The following GPR161 variants were observed in gnomAD, a reference collection of about 807,000 sequenced individuals.
The protein encoded by GPR161 is G-protein coupled receptor RE2.
GPR161 carries 25 observed loss-of-function variants against 39.2 expected under a neutral mutation model. The observed-to-expected ratio is 0.64, with a 90% confidence interval of 0.47 to 0.89. The LOEUF (loss-of-function observed/expected upper bound fraction) is 0.89. GPR161 is among the 40% of genes least tolerant of loss of function. The pLI is 0.00. For synonymous variants in GPR161, 286 were observed against 276.6 expected, an observed-to-expected ratio of 1.03 and a Z score of -0.34; for missense variants, 547 against 677.8, an observed-to-expected ratio of 0.81 and a Z score of 2.14.
chr1:168,084,743 A>G lies in GPR161; in HGVS notation c.*788T>C. On this transcript the variant is annotated 3_prime_UTR_variant, in exon 6 of 6. Transcript: ENST00000682931. ...GCACTACAGTCCCATTCAGTCCGGTAAAACAGTGGTACGTCTTAAATGGAT... is the reference window on the plus strand; with the variant it reads ...GCACTACAGTCCCATTCAGTCCGGTGAAACAGTGGTACGTCTTAAATGGAT... 2.2e-6 allele frequency: 1 copy of G among 444,702 alleles called. No homozygotes were observed. The highest frequency in any genetic ancestry group is 4.5e-6 in the Non-Finnish European group (1 of 223,118). 27.5% of individuals were successfully genotyped at this position (444,702 alleles called of 1,614,324 possible).
chr1:168,136,379 G>GCACCTACGCCCTCC (rs1699375579), intron 1 of GPR161: 1 of 1,432,930 alleles, frequency 7.0e-7, no homozygotes, highest in African/African-American at 1.5e-5. Context: ...TCCCGGGCAC[G>GCACCTACGCCCTCC]CACCTACGCC....
intron 1 of GPR161, among the ~76,000 whole-genome samples, chr1:168,122,218 T>C (rs1306459003): frequency 6.6e-6 from 1 of 151,972 alleles, no homozygotes; most frequent in Non-Finnish European, 1.5e-5. Flanking sequence ...GTGCAGGCCC[T>C]AGACTACGGA....
In GPR161 at chr1:168,098,295, C is replaced by T. The variant is rs567690585; in HGVS notation, c.375-1063G>A. On this transcript the variant is annotated intron_variant, in intron 2 of 5. Transcript: ENST00000682931. This position sits in a 1 kb window ranked among gnomAD's most constrained non-coding sequence, Gnocchi z 4.1. ...GAGAGAAGGAAGCAGGCCGGGTGGA[C>T]GGGGCCGGGGCATGCAGAGCTAAGG... is the stretch of plus-strand genomic sequence containing the variant. Among the ~76,000 whole-genome samples, 28 of 152,272 alleles carry T rather than the reference C, an allele frequency of 1.8e-4. No individual in the cohort carries two copies. The highest frequency in any genetic ancestry group is 5.3e-4 in the African/African-American group (22 of 41,556).
chr1:168,117,572 T>C (rs1189622099), intron 1 of GPR161, among the ~76,000 whole-genome samples: 1 of 152,144 alleles, frequency 6.6e-6, no homozygotes, highest in Non-Finnish European at 1.5e-5. Flanking sequence ...GGGTTGGTGG[T>C]AGGAGTCAAT....
intron 3 of GPR161, among the ~76,000 whole-genome samples, chr1:168,095,952 T>C (rs796184170): frequency 2.6e-5 from 4 of 151,964 alleles, no homozygotes; most frequent in African/African-American, 9.6e-5. Flanking sequence ...CTAGCCAATA[T>C]GGTGAAACCC....
At chr1:168,101,594 C>T (rs143109585) in intron 2 of GPR161, among the ~76,000 whole-genome samples, 3 of 152,266 alleles carry the variant, frequency 2.0e-5, no homozygotes, top group Non-Finnish European at 4.4e-5. Flanking sequence ...TTCCCAGCCA[C>T]GTGACCTTGG....
intron 1 of GPR161, among the ~76,000 whole-genome samples, chr1:168,124,117 C>T (rs983697538): frequency 1.3e-5 from 2 of 152,212 alleles, no homozygotes; most frequent in African/African-American, 2.4e-5. Context: ...GCCCATCTAT[C>T]TCCTTCTCCC....
intron 1 of GPR161, among the ~76,000 whole-genome samples, chr1:168,123,537 T>TAC (rs10534836): frequency 0.063 from 8,738 of 138,114 alleles, 287 homozygotes; most frequent in Middle Eastern, 0.083. Flanking sequence ...TGCACATACA[T>TAC]ACACACACAC....
upstream of GPR161, chr1:168,137,657 C>T: frequency 8.8e-6 from 5 of 569,900 alleles, no homozygotes; most frequent in South Asian, 1.1e-4. Context: ...TCCTCACTCC[C>T]CACTTTGCCT....
chr1:168,130,952 C>T (rs1204524820), intron 1 of GPR161, among the ~76,000 whole-genome samples: 2 of 152,140 alleles, frequency 1.3e-5, no homozygotes, highest in African/African-American at 4.8e-5. Context: ...GGGTTTAGGC[C>T]CTGACTACAC....
intron 1 of GPR161, chr1:168,134,904 A>T: frequency 6.5e-7 from 1 of 1,535,220 alleles, no homozygotes; most frequent in Non-Finnish European, 8.7e-7. Context: ...ACAGAACTGT[A>T]CCTCCTCTTG....
chr1:168,131,975 A>G (rs1000343332), intron 1 of GPR161, among the ~76,000 whole-genome samples: 1 of 152,222 alleles, frequency 6.6e-6, no homozygotes, highest in Admixed American at 6.5e-5. Flanking sequence ...TTTAAAATGC[A>G]CATAACTGGC....
Position 168,097,092 on chromosome 1 carries a change from TC to T in GPR161, c.514del (p.Asp172ThrfsTer151), listed in dbSNP as rs1158148448. 2 of 1,613,710 alleles carry T rather than the reference TC, an allele frequency of 1.2e-6. No homozygotes were observed. Among genetic ancestry groups the T allele is most frequent in the Non-Finnish European group, 1.7e-6 (2 of 1,180,006 alleles). ...AGCCACACACATCCATTTGAACTCG[TC>T]AAACTCCACGGATGACCAACCAAAC... is the stretch of plus-strand genomic sequence containing the variant. ...PLFGWSSVEF[D>X]EFKWMCVAAW... On this transcript the variant is annotated frameshift_variant, in exon 3 of 6. Transcript: ENST00000682931. LOFTEE classifies it high-confidence loss of function.
intron 1 of GPR161, among the ~76,000 whole-genome samples, chr1:168,135,639 A>T (rs1699297454): frequency 1.3e-5 from 2 of 148,826 alleles, no homozygotes; most frequent in African/African-American, 5.0e-5. Flanking sequence ...TCCAGAACTC[A>T]TCTGGAGGTC....
chr1:168,089,738 C>CAGAGGCACTG (rs1694875302), intron 4 of GPR161, among the ~76,000 whole-genome samples: 1 of 50,304 alleles, frequency 2.0e-5, no homozygotes. Flanking sequence ...GAGTGTGACT[C>CAGAGGCACTG]CCTGCCTCTG....
At chr1:168,137,065 G>T, upstream of GPR161, 1 of 180,562 alleles carries the variant, frequency 5.5e-6, no homozygotes, top group Non-Finnish European at 7.7e-6. Context: ...CTCCCCACCC[G>T]CGCCCCTTCC....
intron 1 of GPR161, among the ~76,000 whole-genome samples, chr1:168,105,543 G>A (rs550574377): frequency 1.3e-5 from 2 of 152,334 alleles, no homozygotes; most frequent in East Asian, 3.9e-4. Context: ...ATTGTTCTGA[G>A]CTCCCTAAGC....
chr1:168,136,623 G>T (rs1300937110), intron 1 of GPR161, 116 bp downstream of exon 1: 1 of 1,224,910 alleles, frequency 8.2e-7, no homozygotes, highest in Non-Finnish European at 1.0e-6. Context: ...TGGGGGCGGG[G>T]ACCCTTCCCG....
chr1:168,117,490 A>C (rs1182697785), intron 1 of GPR161, among the ~76,000 whole-genome samples: 1 of 152,124 alleles, frequency 6.6e-6, no homozygotes, highest in African/African-American at 2.4e-5. Context: ...TGGCCTTGAC[A>C]TGTTACTTAA....
Sources: gnomAD v4.1 joint callset for allele counts (sites outside exome capture counted in the v4.1 genomes callset) on GRCh38, gnomAD v4.1.1 for gene constraint, Gnocchi (gnomAD v3.1) non-coding constraint, MANE v1.5 for transcripts, NCBI Gene and HGNC (gene_info 2026-07-23, HGNC 2026-07-21) for gene names.